The following C2CD3 variants were observed in gnomAD, a reference collection of about 807,000 sequenced individuals.
C2CD3 encodes C2 domain-containing protein 3.
Under a neutral mutation model 234.0 loss-of-function variants are expected in C2CD3, and 148 were observed. The ratio of observed to expected loss-of-function variants is 0.63; its 90% CI spans 0.55 to 0.72. The LOEUF (loss-of-function observed/expected upper bound fraction) is 0.72, where lower values mean the gene tolerates loss of function less well. C2CD3 is among the 30% of genes least tolerant of loss of function. The pLI is 0.00. For missense variants in C2CD3, 2,577 were observed against 2,811.5 expected (o/e 0.92, Z 1.89); for synonymous variants, 1,000 against 1,035.4 (o/e 0.97, Z 0.66).
At chr11:74,135,808 C>A (rs2135540085) in intron 5 of C2CD3, among the ~76,000 whole-genome samples, 1 of 152,266 alleles carries the variant, frequency 6.6e-6, no homozygotes, top group Non-Finnish European at 1.5e-5. Flanking sequence ...TGCAAGACAC[C>A]TTTAAAGATC....
At position 74,132,869 on chromosome 11, in the gene C2CD3, T is replaced by C. The variant is rs1957720976; in HGVS notation, c.1192A>G (p.Arg398Gly). ...FWRHDTKADT[R>G]AIQLLLGSAE... ...CTGCCTAATAGCAGCTGTATAGCTC[T>C]GGTATCAGCTTTTGTGTCATGTCTC... Residue 398 changes from arginine to glycine, a missense_variant, in exon 7 of 33, where the codon AGA becomes GGA. By Grantham distance (125) the Arg-to-Gly change is moderately radical (BLOSUM62 -2). Coordinates refer to ENST00000334126, the MANE Select transcript of C2CD3 (RefSeq NM_001286577.2). 6.2e-7 allele frequency: 1 copy of C among 1,613,720 alleles called. No homozygotes were observed. Among genetic ancestry groups the C allele is most frequent in the South Asian group, 1.1e-5 (1 of 91,080 alleles).
At chr11:74,094,639 A>C (rs973539646) in intron 17 of C2CD3, among the ~76,000 whole-genome samples, 1 of 152,218 alleles carries the variant, frequency 6.6e-6, no homozygotes, top group African/African-American at 2.4e-5. Context: ...ATCTGGGTAC[A>C]GTAGGATGGG....
chr11:74,017,378 G>T (rs1183810887), intron 32 of C2CD3, among the ~76,000 whole-genome samples: 1 of 152,192 alleles, frequency 6.6e-6, no homozygotes, highest in African/African-American at 2.4e-5. Context: ...CCATACATGG[G>T]ACCTGTTCCT....
At chr11:74,146,807 C>T (rs1160188540) in intron 3 of C2CD3, among the ~76,000 whole-genome samples, 2 of 151,456 alleles carry the variant, frequency 1.3e-5, no homozygotes, top group Non-Finnish European at 2.9e-5. Context: ...AATCCCAGCA[C>T]TTTGGGAGGC....
chr11:74,140,968 T>C (rs867308995), intron 3 of C2CD3, among the ~76,000 whole-genome samples: 1 of 151,970 alleles, frequency 6.6e-6, no homozygotes, highest in East Asian at 1.9e-4. Flanking sequence ...GAATGAAAAA[T>C]AAAATGGAGT....
chr11:74,040,598 T>C (rs1186630215), intron 29 of C2CD3, among the ~76,000 whole-genome samples: 1 of 151,396 alleles, frequency 6.6e-6, no homozygotes, highest in Admixed American at 6.6e-5. Flanking sequence ...CTACTAAAAA[T>C]ACAAAAAACT....
intron 14 of C2CD3, among the ~76,000 whole-genome samples, chr11:74,102,270 T>C (rs1173356484): frequency 6.6e-6 from 1 of 152,184 alleles, no homozygotes; most frequent in African/African-American, 2.4e-5. Flanking sequence ...AATTCAGATT[T>C]GAACATGTTT....
intron 23 of C2CD3, among the ~76,000 whole-genome samples, chr11:74,075,370 G>C (rs1185645913): frequency 6.6e-6 from 1 of 151,914 alleles, no homozygotes; most frequent in Admixed American, 6.6e-5. Context: ...ATATTTTGGG[G>C]GGGGGTGGGG....
chr11:74,116,841 TAC>T (rs750803693), intron 9 of C2CD3, among the ~76,000 whole-genome samples: 1 of 142,450 alleles, frequency 7.0e-6, no homozygotes, highest in African/African-American at 2.6e-5. Flanking sequence ...TGTGTATATA[TAC>T]ACGTGTATAT....
In C2CD3 at chr11:74,109,073, G is replaced by A. The variant is rs1956645167; in HGVS notation, c.1923C>T (p.Leu641=). The A allele has an allele frequency of 6.2e-7, 1 of 1,605,116 alleles. No individual in the cohort carries two copies. Among genetic ancestry groups the A allele is most frequent in the Non-Finnish European group, 8.5e-7 (1 of 1,176,030 alleles). The change falls in exon 12 of 33, where the codon CTC becomes CTT. Residue 641 remains leucine, a synonymous_variant. Transcript: ENST00000334126. ...PMIEHWWNSN[L]TFQIYVKKTP... ...TTTTCTTTACATAAATTTGGAAAGT[G>A]AGGTTGGAATTCCACCAGTGCTCTA...
Position 74,098,272 on chromosome 11 carries a change from T to G in C2CD3, c.2733-17A>C. The G allele has an allele frequency of 6.2e-7, 1 of 1,610,044 alleles. No homozygotes were observed. On this transcript the variant is annotated splice_polypyrimidine_tract_variant and intron_variant, in intron 15 of 32. Coordinates refer to ENST00000334126, the MANE Select transcript of C2CD3 (RefSeq NM_001286577.2). Reference sequence around the variant, plus strand: ...TTAGCATCTCTAGAGGGGGAGAAATTGTGAATAAGCAAATAACAAGCATCA... The same window carrying G: ...TTAGCATCTCTAGAGGGGGAGAAATGGTGAATAAGCAAATAACAAGCATCA...
intron 5 of C2CD3, chr11:74,133,779 A>G (rs1024412778): frequency 3.4e-5 from 19 of 553,650 alleles, no homozygotes; most frequent in African/African-American, 3.4e-4. Flanking sequence ...CATTGTAACA[A>G]TGAATGAAGT....
Position 74,168,286 on chromosome 11 carries a change from A to G in C2CD3, c.325+58T>C, listed in dbSNP as rs542029725. On this transcript the variant is annotated intron_variant, in intron 2 of 32. Transcript: ENST00000334126. ...GTACACAACAACACTTATTGCTGAC[A>G]ATATAACCACATGCTTTGTATTACG... The G allele has an allele frequency of 7.8e-6, 11 of 1,406,686 alleles. No homozygotes were observed. The Admixed American group carries it at 1.9e-4, about 24-fold the overall frequency. The allele number at this position is 1,406,686 out of a possible 1,614,324, so 87.1% of individuals were successfully genotyped here. A position where few individuals can be genotyped will look rare whatever the true frequency, so the allele number is the denominator to read the frequency against.
In C2CD3 at chr11:74,049,518, G is replaced by A; in HGVS notation, c.5180C>T (p.Ala1727Val). The A allele has an allele frequency of 6.2e-7, 1 of 1,612,404 alleles. No individual in the cohort carries two copies. Residue 1727 changes from alanine (A) to valine (V), a missense_variant, in exon 27 of 33, where the codon GCC becomes GTC. Coordinates refer to ENST00000334126, the MANE Select transcript of C2CD3 (RefSeq NM_001286577.2). ...GAGAAGTGGGGAGAGGTCCACCGAG[G>A]CAAAGCCAATCACCCTCTCCTCATC... ...KGDEERVIGFASVDLSPLLSG... is the reference protein window; with the variant it reads ...KGDEERVIGFVSVDLSPLLSG...
chr11:74,122,912 C>CCGTCTGGCAAGTGA, intron 8 of C2CD3, 76 bp downstream of exon 8: 1 of 1,045,962 alleles, frequency 9.6e-7, no homozygotes. Flanking sequence ...AAATGCATAG[C>CCGTCTGGCAAGTGA]TGTCATGCCT....
At chr11:74,040,461 G>T in intron 29 of C2CD3, among the ~76,000 whole-genome samples, 1 of 146,688 alleles carries the variant, frequency 6.8e-6, no homozygotes, top group East Asian at 2.0e-4. Flanking sequence ...GAATAGGTTA[G>T]TTTTTTTTTT....
intron 30 of C2CD3, chr11:74,036,599 C>A: frequency 2.3e-6 from 1 of 433,928 alleles, no homozygotes; most frequent in Non-Finnish European, 4.6e-6. Context: ...CTACACATTT[C>A]GCTCAAGCAA....
At chr11:74,163,494 C>G (rs1856607206) in intron 2 of C2CD3, among the ~76,000 whole-genome samples, 1 of 152,206 alleles carries the variant, frequency 6.6e-6, no homozygotes, top group Non-Finnish European at 1.5e-5. Flanking sequence ...GGGGAGATAA[C>G]TGAATCACAA....
intron 30 of C2CD3, chr11:74,034,541 C>T (rs751384113): frequency 1.9e-6 from 3 of 1,613,168 alleles, no homozygotes; most frequent in African/African-American, 1.3e-5. Flanking sequence ...TCTGCTCATG[C>T]TCAGGAATCG....
Sources: allele counts gnomAD v4.1 joint callset (sites outside exome capture counted in the v4.1 genomes callset), GRCh38; gene constraint gnomAD v4.1.1; transcripts MANE v1.5; gene names NCBI Gene and HGNC (gene_info 2026-07-23, HGNC 2026-07-21).